The following TRDN variants were observed in gnomAD, a reference collection of about 807,000 sequenced individuals.
TRDN encodes triadin in skeletal muscle.
TRDN carries 161 observed loss-of-function variants against 149.7 expected under a neutral mutation model. The ratio of observed to expected loss-of-function variants is 1.08; its 90% CI spans 0.95 to 1.23. TRDN has a LOEUF of 1.23. Among genes scored for constraint, TRDN ranks in the 50% most tolerant of loss-of-function variants. The probability of loss-of-function intolerance (pLI) is 0.00; values close to 1 mark genes in which losing one functional copy is unlikely to be tolerated. For synonymous variants in TRDN, 294 were observed against 250.5 expected (o/e 1.17, Z -1.64); for missense variants, 896 against 823.5 (o/e 1.09, Z -1.08).
chr6:123,227,621 T>A (rs1267986582), intron 38 of TRDN, among the ~76,000 whole-genome samples: 1 of 151,992 alleles, frequency 6.6e-6, no homozygotes, highest in African/African-American at 2.4e-5. Context: ...GCAAAATAGT[T>A]AATATTTCTT....
At chr6:123,512,463 T>G in intron 6 of TRDN, 101 bp from the exon 7 acceptor site, 1 of 640,026 alleles carries the variant, frequency 1.6e-6, no homozygotes. Context: ...TAATCTGTAA[T>G]ATTTTGAAAA....
intron 38 of TRDN, among the ~76,000 whole-genome samples, chr6:123,239,479 T>A (rs1562224905): frequency 6.6e-6 from 1 of 152,122 alleles, no homozygotes; most frequent in South Asian, 2.1e-4. Context: ...TATACAGTAT[T>A]TACTGAAACT....
At chr6:123,572,721 TG>T (rs1782647392) in intron 1 of TRDN, among the ~76,000 whole-genome samples, 1 of 152,150 alleles carries the variant, frequency 6.6e-6, no homozygotes, top group South Asian at 2.1e-4. Flanking sequence ...AAAACATTTT[TG>T]TGTATTAAAA....
chr6:123,503,525 C>A, intron 8 of TRDN, 194 bp downstream of exon 8: 2 of 1,417,216 alleles, frequency 1.4e-6, no homozygotes, highest in Non-Finnish European at 1.8e-6. Flanking sequence ...GATCTGTGAA[C>A]ACATTTTAGT....
chr6:123,556,797 C>T (rs1000426945), intron 2 of TRDN, among the ~76,000 whole-genome samples: 3 of 152,086 alleles, frequency 2.0e-5, no homozygotes, highest in Non-Finnish European at 2.9e-5. Context: ...TAAATGTCTA[C>T]GCCCTCACAA....
chr6:123,624,139 G>C (rs1027648955), intron 1 of TRDN, among the ~76,000 whole-genome samples: 2 of 152,084 alleles, frequency 1.3e-5, no homozygotes, highest in Non-Finnish European at 2.9e-5. Flanking sequence ...TACAAGTGAT[G>C]TTTGTTAGGT....
intron 4 of TRDN, among the ~76,000 whole-genome samples, chr6:123,546,766 C>T (rs2114428017): frequency 6.6e-6 from 1 of 152,072 alleles, no homozygotes; most frequent in South Asian, 2.1e-4. Flanking sequence ...ACTCAGTCAC[C>T]TTATCTATTC....
At chr6:123,371,191 T>C (rs1334380695) in intron 19 of TRDN, among the ~76,000 whole-genome samples, 1 of 152,164 alleles carries the variant, frequency 6.6e-6, no homozygotes, top group East Asian at 1.9e-4. Context: ...GTTTTGCCTT[T>C]AGTATTTAAG....
At chr6:123,445,597 A>G (rs1263479502) in intron 10 of TRDN, among the ~76,000 whole-genome samples, 1 of 84,188 alleles carries the variant, frequency 1.2e-5, no homozygotes. Flanking sequence ...ACACTTCTCA[A>G]AAGAAGACAT....
At chr6:123,529,500 A>G (rs573675704) in intron 5 of TRDN, 2 of 758,496 alleles carry the variant, frequency 2.6e-6, no homozygotes, top group African/African-American at 1.7e-5. Flanking sequence ...TCCCAAAAAG[A>G]AAGCACATGA....
chr6:123,417,071 T>C (rs6924568), intron 12 of TRDN, among the ~76,000 whole-genome samples: 22,107 of 152,174 alleles, frequency 0.15, 1,881 homozygotes, highest in African/African-American at 0.25. Flanking sequence ...ACAAATGAAT[T>C]AATGAAGGAA....
At chr6:123,417,928 G>A (rs988585775) in intron 12 of TRDN, among the ~76,000 whole-genome samples, 2 of 152,150 alleles carry the variant, frequency 1.3e-5, no homozygotes, top group African/African-American at 4.8e-5. Flanking sequence ...AAAGACACCA[G>A]GGATGATGAT....
chr6:123,388,106 T>C (rs1436810386), intron 14 of TRDN, among the ~76,000 whole-genome samples: 1 of 104,104 alleles, frequency 9.6e-6, no homozygotes, highest in East Asian at 2.2e-4. Flanking sequence ...GGCAGAGCAA[T>C]GGGAGAAAAA....
intron 12 of TRDN, among the ~76,000 whole-genome samples, chr6:123,398,204 A>T (rs1772813667): frequency 6.6e-6 from 1 of 152,084 alleles, no homozygotes; most frequent in Admixed American, 6.5e-5. Flanking sequence ...TCAGGGTTTC[A>T]CCATGTTGGT....
chr6:123,380,432 T>A (rs951509771), intron 16 of TRDN, among the ~76,000 whole-genome samples: 7 of 152,200 alleles, frequency 4.6e-5, no homozygotes, highest in Admixed American at 2.6e-4. Context: ...TACTCATCAG[T>A]AGCTCTGCAC....
chr6:123,427,611 C>T (rs1326472596), intron 12 of TRDN, among the ~76,000 whole-genome samples: 1 of 152,002 alleles, frequency 6.6e-6, no homozygotes, highest in Non-Finnish European at 1.5e-5. Context: ...TAACTTCCAC[C>T]ATGGAGTCCT....
intron 24 of TRDN, among the ~76,000 whole-genome samples, chr6:123,304,263 T>G (rs1778528420): frequency 6.8e-6 from 1 of 147,494 alleles, no homozygotes; most frequent in Admixed American, 6.8e-5. Context: ...TTTTTTTTTT[T>G]TTTTTTTTGA....
At chr6:123,633,077 T>C (rs140423734) in intron 1 of TRDN, among the ~76,000 whole-genome samples, 93 of 152,234 alleles carry the variant, frequency 6.1e-4, no homozygotes, top group Admixed American at 1.1e-3. Flanking sequence ...AGCCTGAGGT[T>C]ATGTAATAGT....
At chr6:123,525,704 A>T (rs960922078) in intron 5 of TRDN, among the ~76,000 whole-genome samples, 10 of 152,148 alleles carry the variant, frequency 6.6e-5, no homozygotes, top group South Asian at 2.1e-4. Context: ...AAGTTTTTTA[A>T]AAAAAACTTG....
Sources: gnomAD v4.1 joint callset for allele counts (sites outside exome capture counted in the v4.1 genomes callset) on GRCh38, gnomAD v4.1.1 for gene constraint, MANE v1.5 for transcripts, NCBI Gene and HGNC (gene_info 2026-07-23, HGNC 2026-07-21) for gene names.